CEP126: variants seen among roughly 807,000 people sequenced by gnomAD.
The protein encoded by CEP126 is centrosomal protein 126, also known as centrosomal protein of 126 kDa.
Under a neutral mutation model 107.8 loss-of-function variants are expected in CEP126, and 74 were observed. The ratio of observed to expected loss-of-function variants is 0.69; its 90% CI spans 0.57 to 0.83. The LOEUF (loss-of-function observed/expected upper bound fraction) is 0.83. Ranked by LOEUF, CEP126 falls within the 40% of genes least tolerant of loss-of-function variation. The pLI, the probability that CEP126 is intolerant of heterozygous loss-of-function variation, is 0.00. For synonymous variants in CEP126, 449 were observed against 446.0 expected (o/e 1.01, Z -0.08); for missense variants, 1,237 against 1,281.9 (o/e 0.96, Z 0.53).
At chr11:101,996,818 TG>T (rs753924744) in intron 10 of CEP126, among the ~76,000 whole-genome samples, 2 of 152,174 alleles carry the variant, frequency 1.3e-5, no homozygotes, top group Non-Finnish European at 2.9e-5. Context: ...GGTTTCCTTC[TG>T]GCGTGCCTAA....
At position 101,944,388 on chromosome 11, in the gene CEP126, T is replaced by C. The variant is rs1411295002; in HGVS notation, c.372T>C (p.Pro124=). Residue 124 remains proline, a synonymous_variant, in exon 3 of 11, where the codon CCT becomes CCC. Coordinates refer to ENST00000263468, the MANE Select transcript of CEP126 (RefSeq NM_020802.4). ...AAAAATTCCAGCGTGCCCATGTTCC[T>C]CTTTCACAGCGGAGGAAAGCAGGTG... ...VTEKFQRAHV[P]LSQRRKAVSR... The C allele has an allele frequency of 6.2e-7, 1 of 1,610,722 alleles. No homozygotes were observed.
chr11:101,929,465 G>T (rs1380245276), intron 2 of CEP126, among the ~76,000 whole-genome samples: 2 of 152,178 alleles, frequency 1.3e-5, no homozygotes, highest in East Asian at 3.8e-4. Flanking sequence ...CACTAGATAA[G>T]TAGGACAGTT....
chr11:101,951,800 G>A (rs1252716642), intron 4 of CEP126, among the ~76,000 whole-genome samples: 1 of 152,166 alleles, frequency 6.6e-6, no homozygotes, highest in African/African-American at 2.4e-5. Flanking sequence ...GTAGAAATGT[G>A]TAAAAATAAT....
intron 8 of CEP126, among the ~76,000 whole-genome samples, chr11:101,983,283 G>C (rs770718997): frequency 2.0e-5 from 3 of 152,190 alleles, no homozygotes; most frequent in Non-Finnish European, 4.4e-5. Flanking sequence ...ATGTCTTATA[G>C]AAAAGGATGG....
chr11:101,982,851 A>G (rs1357667411), intron 8 of CEP126, among the ~76,000 whole-genome samples: 1 of 152,204 alleles, frequency 6.6e-6, no homozygotes, highest in Non-Finnish European at 1.5e-5. Context: ...CACAAATGGA[A>G]AATTTTACAC....
rs115730613 is a variant in CEP126, at chr11:101,915,069, G to T, written c.-216G>T. Reference sequence around the variant, plus strand: ...GGTTGCTGCCGCCCCATCTGCTATTGCCCGGCGAGGTCGCCGCTGCCTCAG... The same window carrying T: ...GGTTGCTGCCGCCCCATCTGCTATTTCCCGGCGAGGTCGCCGCTGCCTCAG... On this transcript the variant is annotated 5_prime_UTR_variant, in exon 1 of 11. Transcript: ENST00000263468. The T allele has an allele frequency of 5.3e-3, 3,082 of 578,042 alleles. 71 individuals are homozygous for T. In the African/African-American group the frequency reaches 0.053, roughly 10 times the overall value. The allele number at this position is 578,042 out of a possible 1,614,324, so 35.8% of individuals were successfully genotyped here.
At chr11:101,993,181 G>C (rs1026031722) in intron 10 of CEP126, among the ~76,000 whole-genome samples, 1 of 152,102 alleles carries the variant, frequency 6.6e-6, no homozygotes, top group African/African-American at 2.4e-5. Context: ...TACCTGATAG[G>C]TAGTTTTTCA....
intron 2 of CEP126, among the ~76,000 whole-genome samples, chr11:101,940,692 T>C (rs1027250929): frequency 1.6e-4 from 25 of 152,206 alleles, no homozygotes; most frequent in Non-Finnish European, 1.0e-4. Context: ...GCTACAACAA[T>C]TGGAACCAAG....
At chr11:101,991,495 A>T (rs1565371260) in intron 9 of CEP126, among the ~76,000 whole-genome samples, 1 of 152,210 alleles carries the variant, frequency 6.6e-6, no homozygotes, top group Non-Finnish European at 1.5e-5. Flanking sequence ...AATAACTATG[A>T]CTAATATGTT....
intron 8 of CEP126, among the ~76,000 whole-genome samples, chr11:101,984,068 G>A (rs1199076135): frequency 1.3e-5 from 2 of 152,130 alleles, no homozygotes; most frequent in African/African-American, 2.4e-5. Context: ...TTTATGCCAC[G>A]TGCTTTCCCC....
At chr11:101,917,029 TGTG>T (rs1489370326) in intron 1 of CEP126, among the ~76,000 whole-genome samples, 981 of 5,788 alleles carry the variant, frequency 0.17, 15 homozygotes, top group African/African-American at 0.29. Flanking sequence ...AATCCAACAA[TGTG>T]TGTGTGTGTG....
At chr11:101,987,093 A>G (rs755909433) in intron 9 of CEP126, 52 bp downstream of exon 9, 2 of 1,228,130 alleles carry the variant, frequency 1.6e-6, no homozygotes, top group African/African-American at 3.1e-5. Flanking sequence ...ATACTTAGAC[A>G]ATTTTAATTT....
At chr11:101,964,561 CAGG>C (rs1342881250) in intron 6 of CEP126, among the ~76,000 whole-genome samples, 1 of 151,754 alleles carries the variant, frequency 6.6e-6, no homozygotes, top group Non-Finnish European at 1.5e-5. Flanking sequence ...ACCCAGAGCC[CAGG>C]AGGAGGAGGT....
chr11:101,930,325 T>G (rs1172583503), intron 2 of CEP126, among the ~76,000 whole-genome samples: 1 of 152,232 alleles, frequency 6.6e-6, no homozygotes, highest in Non-Finnish European at 1.5e-5. Context: ...TTCTCTAGAT[T>G]ACTTATAATA....
rs199784949 is a variant in CEP126 at position 101,963,694 on chromosome 11, G to A, written c.2659G>A (p.Ala887Thr). The stretch of plus-strand genomic sequence containing the variant: ...TTGTTCTTCAGAGTGCCAAACTTTC[G>A]CAAAAATAAATCATTCAAATGGCAC... ...SYCSSECQTF[A>T]KINHSNGTQA... is the part of the protein sequence containing the mutation. Residue 887 changes from alanine (A) to threonine (T), a missense_variant, in exon 6 of 11, where the codon GCA becomes ACA. Around this residue, in one of 3 missense-constraint regions of CEP126, gnomAD observed 1,134 missense variants for 1,150.5 expected, o/e 0.99. Coordinates refer to ENST00000263468, the MANE Select transcript of CEP126 (RefSeq NM_020802.4). 7.3e-5 allele frequency: 118 copies of A among 1,613,934 alleles called. No homozygotes were observed. The highest frequency in any genetic ancestry group is 2.3e-4 in the South Asian group (21 of 91,070).
chr11:101,980,806 T>C (rs538619077), intron 7 of CEP126, among the ~76,000 whole-genome samples: 4 of 152,316 alleles, frequency 2.6e-5, no homozygotes, highest in African/African-American at 9.6e-5. Context: ...AAAGTACAAT[T>C]GCCACTTTGC....
chr11:101,988,543 TAAAAA>T (rs1172797291), intron 9 of CEP126, among the ~76,000 whole-genome samples: 1 of 151,424 alleles, frequency 6.6e-6, no homozygotes, highest in African/African-American at 2.4e-5. Context: ...TCAGAGTAAA[TAAAAA>T]GAAATGACCA....
intron 2 of CEP126, 136 bp downstream of exon 2, chr11:101,922,896 C>A: frequency 1.4e-6 from 1 of 704,732 alleles, no homozygotes; most frequent in Non-Finnish European, 2.3e-6. Context: ...ATTTGTGTGG[C>A]TTTGTAAATT....
At chr11:101,975,478 CAACTAATTGGAGCTG>C (rs902890162) in intron 6 of CEP126, among the ~76,000 whole-genome samples, 3 of 152,160 alleles carry the variant, frequency 2.0e-5, no homozygotes, top group Non-Finnish European at 4.4e-5. Flanking sequence ...TTTTAGAGCC[CAACTAATTGGAGCTG>C]AATCCCAGCT....
Sources: allele counts gnomAD v4.1 joint callset (sites outside exome capture counted in the v4.1 genomes callset), GRCh38; gene constraint gnomAD v4.1.1; regional missense constraint gnomAD v4.1.1; transcripts MANE v1.5; gene names NCBI Gene and HGNC (gene_info 2026-07-23, HGNC 2026-07-21).